HDAC1: variants seen among roughly 807,000 people sequenced by gnomAD.
The protein encoded by HDAC1 is histone deacetylase 1.
In HDAC1, 18 loss-of-function variants were observed where a neutral mutation model predicts 65.5. The observed-to-expected ratio is 0.27, with a 90% CI of 0.19 to 0.41. HDAC1 has a LOEUF of 0.41. HDAC1 is among the 10% of genes least tolerant of loss of function. The pLI, the probability that HDAC1 is intolerant of heterozygous loss-of-function variation, is 1.00. For missense variants in HDAC1, 373 were observed against 625.2 expected (o/e 0.60, Z 4.30); for synonymous variants, 211 against 227.9 (o/e 0.93, Z 0.67).
rs749345407 is a variant in HDAC1 at position 32,333,068 on chromosome 1, C to T, written c.*24C>T. On this transcript the variant is annotated 3_prime_UTR_variant, in exon 14 of 14. Transcript: ENST00000373548. Reference sequence around the variant, plus strand: ...GAATGGACCTCTCCAGCTCTGGCTTCCTGCTGAGTCCCTCACGTTTCTTCC... The same window carrying T: ...GAATGGACCTCTCCAGCTCTGGCTTTCTGCTGAGTCCCTCACGTTTCTTCC... 2 of 1,604,012 alleles carry T rather than the reference C, an allele frequency of 1.2e-6. No homozygotes were observed. Among genetic ancestry groups the T allele is most frequent in the East Asian group, 4.5e-5 (2 of 44,822 alleles).
chr1:32,324,645 AC>A, intron 4 of HDAC1, 92 bp downstream of exon 4: 2 of 858,908 alleles, frequency 2.3e-6, no homozygotes, highest in Non-Finnish European at 4.0e-6. Context: ...CTGATCTGAA[AC>A]CATGTAGAAT....
rs1570041183 is a variant in HDAC1 at position 32,330,588 on chromosome 1, A to G, written c.740A>G (p.Lys247Arg). 6.2e-7 allele frequency: 1 copy of G among 1,611,538 alleles called. No individual in the cohort carries two copies. The highest frequency in any genetic ancestry group is 8.5e-7 in the Non-Finnish European group (1 of 1,177,734). ...YEAIFKPVMS[K>R]VMEMFQPSAV... ...GATGTATCATTTTAGGTCATGTCCA[A>G]AGTAATGGAGATGTTCCAGCCTAGT... The change falls in exon 8 of 14, where the codon AAA becomes AGA. Residue 247 changes from lysine (K) to arginine (R), a missense_variant. Lys to Arg is a conservative substitution (Grantham distance 26, BLOSUM62 2). Transcript: ENST00000373548. This position sits in a 1 kb window ranked among gnomAD's most constrained non-coding sequence, Gnocchi z 4.2.
At position 32,324,594 on chromosome 1, in the gene HDAC1, G is replaced by A. The variant is rs775190845; in HGVS notation, c.355+41G>A. ...CTTCTCCCCAGGGGTAGACTGGGTT[G>A]TTCTAGTGAGGTCTGCCTTTTAGGC... On this transcript the variant is annotated intron_variant, in intron 4 of 13. Transcript: ENST00000373548. The A allele has an allele frequency of 4.5e-6, 6 of 1,338,406 alleles. No individual in the cohort carries two copies. In the Middle Eastern group the frequency reaches 5.4e-4, roughly 121 times the overall value. The allele number at this position is 1,338,406 out of a possible 1,614,324, so 82.9% of individuals were successfully genotyped here.
chr1:32,301,489 G>A (rs1031892726), intron 1 of HDAC1, among the ~76,000 whole-genome samples: 2 of 151,494 alleles, frequency 1.3e-5, no homozygotes, highest in Non-Finnish European at 2.9e-5. Context: ...TTGAATGCTG[G>A]CCAGGCGCGG....
At chr1:32,319,461 A>G (rs1304811320) in intron 3 of HDAC1, among the ~76,000 whole-genome samples, 5 of 152,188 alleles carry the variant, frequency 3.3e-5, no homozygotes, top group Non-Finnish European at 4.4e-5. Context: ...TTTTAAAAAA[A>G]GAATTATTTT....
chr1:32,332,154 G>T lies in HDAC1; in HGVS notation c.1284G>T (p.Glu428Asp). 6.2e-7 allele frequency: 1 copy of T among 1,613,422 alleles called. No homozygotes were observed. The highest frequency in any genetic ancestry group is 8.5e-7 in the Non-Finnish European group (1 of 1,179,530). ...EEFSDSEEEG[E>D]GGRKNSSNFK... ...TCTCCGATTCTGAAGAGGAGGGAGA[G>T]GGGGGCCGCAAGAACTCTTCCAACT... is the stretch of plus-strand genomic sequence containing the variant. The change falls in exon 12 of 14, where the codon GAG (glutamate) becomes GAT (aspartate). Residue 428 changes from glutamate to aspartate, a missense_variant. By Grantham distance (45) the Glu-to-Asp change is conservative. Coordinates refer to ENST00000373548, the MANE Select transcript of HDAC1 (RefSeq NM_004964.3).
chr1:32,322,158 A>G (rs1161020986), intron 3 of HDAC1, among the ~76,000 whole-genome samples: 2 of 151,980 alleles, frequency 1.3e-5, no homozygotes, highest in Non-Finnish European at 2.9e-5. Flanking sequence ...TCCTTCCTCT[A>G]CTTTTGGAAA....
intron 1 of HDAC1, among the ~76,000 whole-genome samples, chr1:32,293,922 G>T (rs1640731962): frequency 6.8e-6 from 1 of 148,016 alleles, no homozygotes; most frequent in Admixed American, 6.7e-5. Context: ...AAAAAAATTA[G>T]CGAGGTGTGG....
intron 2 of HDAC1, among the ~76,000 whole-genome samples, chr1:32,314,154 C>T (rs964403230): frequency 3.3e-5 from 5 of 152,104 alleles, no homozygotes; most frequent in South Asian, 2.1e-4. Flanking sequence ...CCACAACAAC[C>T]GCCATCACTC....
chr1:32,292,317 A>C, intron 1 of HDAC1, 99 bp downstream of exon 1: 1 of 1,532,770 alleles, frequency 6.5e-7, no homozygotes. Flanking sequence ...CGGGAGGCTG[A>C]GGCGCTGGGG....
At position 32,327,302 on chromosome 1, in the gene HDAC1, C is replaced by T. The variant is rs755183282; in HGVS notation, c.494+225C>T. ...GCTCAGATCCTGCCTCCAGAGTGTC[C>T]CTGTGTGGCTGGAGTTGACCCTGGC... On this transcript the variant is annotated intron_variant, in intron 5 of 13. Coordinates refer to ENST00000373548, the MANE Select transcript of HDAC1 (RefSeq NM_004964.3). This position sits in a 1 kb window ranked among gnomAD's most constrained non-coding sequence, Gnocchi z 6.0. 6.3e-5 allele frequency: 39 copies of T among 617,880 alleles called. No homozygotes were observed. The highest frequency in any genetic ancestry group is 1.0e-4 in the Non-Finnish European group (35 of 351,496). The allele number at this position is 617,880 out of a possible 1,614,324, so 38.3% of individuals were successfully genotyped here.
chr1:32,327,519 C>T lies in HDAC1; in HGVS notation c.495-17C>T. On this transcript the variant is annotated splice_polypyrimidine_tract_variant and intron_variant, in intron 5 of 13. Transcript: ENST00000373548. The surrounding 1 kb of genome is among the most constrained non-coding windows in gnomAD (Gnocchi z 6.0). ...CCCCAAAGAGCCCCCAGACCCCTGA[C>T]CCCCTTCTGATCCTAGGTATCACCA... 3.7e-6 allele frequency: 6 copies of T among 1,606,882 alleles called. No homozygotes were observed. Among genetic ancestry groups the T allele is most frequent in the Non-Finnish European group, 5.1e-6 (6 of 1,174,660 alleles).
rs542324724 is a variant in HDAC1, at chr1:32,331,218, T to C, written c.980-256T>C. Among the ~76,000 whole-genome samples the C allele has an allele frequency of 6.6e-6, 1 of 152,318 alleles. No individual in the cohort carries two copies. The highest frequency in any genetic ancestry group is 2.4e-5 in the African/African-American group (1 of 41,548). On this transcript the variant is annotated intron_variant, in intron 9 of 13. Coordinates refer to ENST00000373548, the MANE Select transcript of HDAC1 (RefSeq NM_004964.3). This position sits in a 1 kb window ranked among gnomAD's most constrained non-coding sequence, Gnocchi z 4.2. ...GTGAAGGGAGCGCTCATAATGAGCATGGCCTCAAGTGTCCTAAACCAGGGA... is the reference window on the plus strand; with the variant it reads ...GTGAAGGGAGCGCTCATAATGAGCACGGCCTCAAGTGTCCTAAACCAGGGA...
intron 1 of HDAC1, among the ~76,000 whole-genome samples, chr1:32,299,379 A>G (rs972160952): frequency 2.0e-5 from 3 of 152,174 alleles, no homozygotes; most frequent in African/African-American, 7.2e-5. Context: ...CCTGGGCAAC[A>G]AAGCAAGATG....
rs779593533 is a variant in HDAC1 at position 32,331,602 on chromosome 1, A to C, written c.1088+20A>C. 1.2e-6 allele frequency: 2 copies of C among 1,610,580 alleles called. No individual in the cohort carries two copies. Among genetic ancestry groups the C allele is most frequent in the African/African-American group, 2.7e-5 (2 of 74,800 alleles). ...GATCAAGTGAGTATATCCTCCAGCCACCCCTTGGTTGAACATTCCTGACTT... is the reference window on the plus strand; with the variant it reads ...GATCAAGTGAGTATATCCTCCAGCCCCCCCTTGGTTGAACATTCCTGACTT... On this transcript the variant is annotated intron_variant, in intron 10 of 13. Transcript: ENST00000373548. This position sits in a 1 kb window ranked among gnomAD's most constrained non-coding sequence, Gnocchi z 4.2.
chr1:32,319,242 A>G (rs1042646900), intron 3 of HDAC1, among the ~76,000 whole-genome samples: 15 of 152,172 alleles, frequency 9.9e-5, no homozygotes, highest in Non-Finnish European at 1.5e-5. Context: ...TGGTCTCTAA[A>G]AAAAATTTTT....
rs144797321 is a variant in HDAC1 at position 32,293,177 on chromosome 1, G to A, written c.49+959G>A. Among the ~76,000 whole-genome samples the A allele has an allele frequency of 6.1e-3, 929 of 151,396 alleles. 7 individuals are homozygous for A. Among genetic ancestry groups the A allele is most frequent in the African/African-American group, 0.021 (877 of 41,256 alleles). ...CTCTACTAAAAATACAAAATTAGCC[G>A]CGCATGGTGGTGTGCGCCTGTAATC... On this transcript the variant is annotated intron_variant, in intron 1 of 13. Coordinates refer to ENST00000373548, the MANE Select transcript of HDAC1 (RefSeq NM_004964.3).
chr1:32,331,643 C>T lies in HDAC1; in HGVS notation c.1089-33C>T, dbSNP rs1354001391. ...TTCCTGACTTTGGTTTGTCCCTGACCAGAGCCCTGCTACTCTCTCCCATTG... is the reference window on the plus strand; with the variant it reads ...TTCCTGACTTTGGTTTGTCCCTGACTAGAGCCCTGCTACTCTCTCCCATTG... On this transcript the variant is annotated intron_variant, in intron 10 of 13. Coordinates refer to ENST00000373548, the MANE Select transcript of HDAC1 (RefSeq NM_004964.3). The surrounding 1 kb of genome is among the most constrained non-coding windows in gnomAD (Gnocchi z 4.2). The T allele has an allele frequency of 1.2e-6, 2 of 1,613,388 alleles. No homozygotes were observed. The highest frequency in any genetic ancestry group is 4.5e-5 in the East Asian group (2 of 44,896).
At chr1:32,314,593 G>A (rs1157855833) in intron 2 of HDAC1, among the ~76,000 whole-genome samples, 1 of 151,990 alleles carries the variant, frequency 6.6e-6, no homozygotes, top group South Asian at 2.1e-4. Flanking sequence ...TTGGGAGGCC[G>A]AGGCGGGTGG....
Sources: allele counts gnomAD v4.1 joint callset (sites outside exome capture counted in the v4.1 genomes callset), GRCh38; gene constraint gnomAD v4.1.1; non-coding constraint Gnocchi (gnomAD v3.1); transcripts MANE v1.5; gene names NCBI Gene and HGNC (gene_info 2026-07-23, HGNC 2026-07-21).